The following CES1 variants were observed in gnomAD, a reference collection of about 807,000 sequenced individuals.
The protein encoded by CES1 is liver carboxylesterase 1.
CES1 carries 50 observed loss-of-function variants against 53.0 expected under a neutral mutation model. The ratio of observed to expected loss-of-function variants is 0.94; its 90% CI spans 0.75 to 1.19. The LOEUF (loss-of-function observed/expected upper bound fraction) is 1.19, where lower values mean the gene tolerates loss of function less well. CES1 is among the 50% of genes most tolerant of loss of function. The pLI, the probability that CES1 is intolerant of heterozygous loss-of-function variation, is 0.00. For synonymous variants in CES1, 202 were observed against 210.1 expected (o/e 0.96, Z 0.33); for missense variants, 534 against 538.0 (o/e 0.99, Z 0.07).
chr16:55,816,760 C>T (rs1461967179), intron 8 of CES1, among the ~76,000 whole-genome samples, 164 bp downstream of exon 8: 1 of 152,158 alleles, frequency 6.6e-6, no homozygotes, highest in Admixed American at 6.5e-5. Flanking sequence ...ACTAGTCTTC[C>T]TGGCTGTGTT....
chr16:55,825,518 A>G (rs1274295313), intron 3 of CES1, among the ~76,000 whole-genome samples: 2 of 152,256 alleles, frequency 1.3e-5, no homozygotes, highest in African/African-American at 4.8e-5. Flanking sequence ...AGGTACAAAA[A>G]GAAATCCCAG....
At chr16:55,827,785 G>A (rs1221064720) in intron 2 of CES1, 1 of 152,140 alleles carries the variant, frequency 6.6e-6, no homozygotes, top group Non-Finnish European at 1.5e-5. Flanking sequence ...AGCAAAGCAG[G>A]CATCCAAATT....
chr16:55,809,167 C>T (rs1187040852), intron 11 of CES1, among the ~76,000 whole-genome samples: 1 of 144,728 alleles, frequency 6.9e-6, no homozygotes, highest in East Asian at 2.0e-4. Flanking sequence ...CAGTATTGCT[C>T]AAACCATCAG....
At chr16:55,832,062 G>A (rs1243012651) in intron 1 of CES1, among the ~76,000 whole-genome samples, 3 of 152,220 alleles carry the variant, frequency 2.0e-5, no homozygotes, top group Non-Finnish European at 4.4e-5. Flanking sequence ...GGGTTGCCAT[G>A]CCCTGGCCAC....
chr16:55,821,835 T>C (rs1233467594), intron 4 of CES1, among the ~76,000 whole-genome samples: 3 of 152,060 alleles, frequency 2.0e-5, no homozygotes, highest in African/African-American at 7.3e-5. Flanking sequence ...GATAAACAGA[T>C]ACATAGAGAG....
intron 5 of CES1, among the ~76,000 whole-genome samples, chr16:55,820,851 C>T (rs74019277): frequency 1.9e-4 from 29 of 152,096 alleles, no homozygotes; most frequent in African/African-American, 6.8e-4. Flanking sequence ...CAAAGACTGT[C>T]GCCTCCTTCT....
At chr16:55,823,408 G>T in intron 4 of CES1, 142 bp downstream of exon 4, 1 of 931,898 alleles carries the variant, frequency 1.1e-6, no homozygotes, top group Non-Finnish European at 1.7e-6. Flanking sequence ...TGAGAGGGTA[G>T]GTAGTGTCCA....
intron 3 of CES1, among the ~76,000 whole-genome samples, chr16:55,824,775 G>C (rs565865085): frequency 6.6e-6 from 1 of 152,234 alleles, no homozygotes; most frequent in Non-Finnish European, 1.5e-5. Context: ...CATATGTGAT[G>C]ATTCCCATTT....
rs544714045 is a variant in CES1 at position 55,818,826 on chromosome 16, T to C, written c.906+709A>G. ...TGAATTGAATGGATACATGAATAGA[T>C]GGGTGAAAACTAGCAGACAGGCGAT... On this transcript the variant is annotated intron_variant, in intron 7 of 13. Coordinates refer to ENST00000360526, the MANE Select transcript of CES1 (RefSeq NM_001025195.2). 1.4e-4 allele frequency among the ~76,000 whole-genome samples: 22 copies of C among 151,920 alleles called. No individual in the cohort carries two copies. The South Asian group carries it at 1.7e-3, about 12-fold the overall frequency.
chr16:55,829,566 G>C (rs1395839382), intron 1 of CES1, among the ~76,000 whole-genome samples: 3 of 152,262 alleles, frequency 2.0e-5, no homozygotes, highest in Non-Finnish European at 4.4e-5. Context: ...ACAGCAGAGA[G>C]AAGGGAATTT....
At chr16:55,812,028 G>C (rs527282617) in intron 9 of CES1, among the ~76,000 whole-genome samples, 74 of 152,238 alleles carry the variant, frequency 4.9e-4, no homozygotes, top group Admixed American at 1.2e-3. Flanking sequence ...ATAGACCACA[G>C]TGTTTCCCTT....
intron 5 of CES1, 32 bp downstream of exon 5, chr16:55,821,336 G>C (rs2307234): frequency 0.033 from 53,256 of 1,612,866 alleles, 1,155 homozygotes; most frequent in Middle Eastern, 0.085. Context: ...CACATCAAGC[G>C]TGGGGTTGGG....
chr16:55,820,528 A>T, intron 5 of CES1, 49 bp from the exon 6 acceptor site: 5 of 1,609,786 alleles, frequency 3.1e-6, no homozygotes, highest in Non-Finnish European at 3.4e-6. Flanking sequence ...GAGTGGGGTC[A>T]GTGACTCACT....
chr16:55,811,063 G>T (rs1224089878), intron 9 of CES1, 53 bp from the exon 10 acceptor site: 7 of 1,442,764 alleles, frequency 4.9e-6, no homozygotes, highest in African/African-American at 1.4e-5. Flanking sequence ...TTAATGATAA[G>T]AAACAAACTG....
At chr16:55,819,739 G>T in intron 6 of CES1, 100 bp from the exon 7 acceptor site, 2 of 1,011,912 alleles carry the variant, frequency 2.0e-6, no homozygotes, top group Non-Finnish European at 3.1e-6. Context: ...TTGTACTAGT[G>T]GCAGGGAGCA....
At chr16:55,823,951 T>A (rs543836197) in intron 3 of CES1, among the ~76,000 whole-genome samples, 1 of 152,376 alleles carries the variant, frequency 6.6e-6, no homozygotes, top group Non-Finnish European at 1.5e-5. Flanking sequence ...AGGCTCTTGA[T>A]GCTGAGAACA....
intron 7 of CES1, among the ~76,000 whole-genome samples, chr16:55,817,303 G>C (rs1390666230): frequency 1.3e-5 from 2 of 152,200 alleles, no homozygotes; most frequent in African/African-American, 4.8e-5. Flanking sequence ...GATGTGCAAA[G>C]CTGAAGGACA....
At chr16:55,830,659 T>G (rs1369463979) in intron 1 of CES1, among the ~76,000 whole-genome samples, 5 of 151,242 alleles carry the variant, frequency 3.3e-5, no homozygotes, top group African/African-American at 1.2e-4. Context: ...AAAAATTAGC[T>G]GGGTGTGGTA....
At chr16:55,809,825 T>C (rs1378231103) in intron 11 of CES1, among the ~76,000 whole-genome samples, 1 of 152,226 alleles carries the variant, frequency 6.6e-6, no homozygotes, top group African/African-American at 2.4e-5. Context: ...GGCTCAGACC[T>C]TAAAACCCTT....
Sources: allele counts gnomAD v4.1 joint callset (sites outside exome capture counted in the v4.1 genomes callset), GRCh38; gene constraint gnomAD v4.1.1; transcripts MANE v1.5; gene names NCBI Gene and HGNC (gene_info 2026-07-23, HGNC 2026-07-21).